TTC13: variants seen among roughly 807,000 people sequenced by gnomAD.
The protein encoded by TTC13 is tetratricopeptide repeat domain 13.
A neutral mutation model predicts 120.0 loss-of-function variants in TTC13; 62 were observed. The ratio of observed to expected loss-of-function variants is 0.52; its 90% CI spans 0.42 to 0.64. TTC13 has a LOEUF of 0.64. Ranked by LOEUF, TTC13 falls within the 30% of genes least tolerant of loss-of-function variation. The probability of loss-of-function intolerance (pLI) is 0.00; values close to 1 mark genes in which losing one functional copy is unlikely to be tolerated. For synonymous variants in TTC13, 384 were observed against 393.5 expected, an observed-to-expected ratio of 0.98 and a Z score of 0.28; for missense variants, 824 against 1,050.2, an observed-to-expected ratio of 0.78 and a Z score of 2.98.
chr1:230,939,518 GA>G (rs1248751509), intron 7 of TTC13, 22 bp from the exon 8 acceptor site: 4 of 1,500,210 alleles, frequency 2.7e-6, no homozygotes, highest in South Asian at 1.2e-5. Context: ...AGAGTGGGGG[GA>G]AAAATAAAAT....
intron 9 of TTC13, among the ~76,000 whole-genome samples, chr1:230,933,149 T>A (rs1024792110): frequency 6.6e-6 from 1 of 152,106 alleles, no homozygotes; most frequent in Non-Finnish European, 1.5e-5. Context: ...ACTTTTGTAT[T>A]TTTAGTAGAC....
At position 230,940,507 on chromosome 1, in the gene TTC13, T is replaced by G. The variant is rs1674436994; in HGVS notation, c.722A>C (p.Lys241Thr). ...RINEAVNDLT[K>T]AIQLQPSARL... is the part of the protein sequence containing the mutation. ...TGCTGAGGGCTGCAGTTGGATAGCT[T>G]TAGTGAGGTCATTCACTGCTTCATT... is the stretch of plus-strand genomic sequence containing the variant. Residue 241 changes from lysine (K) to threonine (T), a missense_variant, in exon 7 of 23, where the codon AAA becomes ACA. Transcript: ENST00000366661. The surrounding 1 kb of genome is among the most constrained non-coding windows in gnomAD (Gnocchi z 4.1). 5.0e-6 allele frequency: 8 copies of G among 1,613,874 alleles called. No homozygotes were observed. Among genetic ancestry groups the G allele is most frequent in the Non-Finnish European group, 6.8e-6 (8 of 1,179,924 alleles).
chr1:230,932,818 CT>C (rs1269329332), intron 9 of TTC13, among the ~76,000 whole-genome samples: 1 of 152,166 alleles, frequency 6.6e-6, no homozygotes, highest in Non-Finnish European at 1.5e-5. Context: ...CTTTCCGTCG[CT>C]GTCTTTCTTT....
At chr1:230,949,937 C>A (rs1220784492) in intron 4 of TTC13, among the ~76,000 whole-genome samples, 1 of 152,226 alleles carries the variant, frequency 6.6e-6, no homozygotes, top group Non-Finnish European at 1.5e-5. Flanking sequence ...GCCTGAGCCA[C>A]CACGCCCGGC....
At chr1:230,965,033 A>T (rs1046201625) in intron 1 of TTC13, among the ~76,000 whole-genome samples, 1 of 152,206 alleles carries the variant, frequency 6.6e-6, no homozygotes. Flanking sequence ...ACTACAAGAA[A>T]ACGTTGGGGA....
intron 1 of TTC13, among the ~76,000 whole-genome samples, chr1:230,970,827 C>T (rs7514638): frequency 6.6e-4 from 100 of 152,308 alleles, no homozygotes; most frequent in African/African-American, 2.2e-3. Flanking sequence ...ACAGACAGCA[C>T]ACTGAGCTAC....
At chr1:230,968,639 T>C (rs899380871) in intron 1 of TTC13, among the ~76,000 whole-genome samples, 6 of 151,784 alleles carry the variant, frequency 4.0e-5, no homozygotes, top group Non-Finnish European at 8.8e-5. Flanking sequence ...AGCCATCGGG[T>C]TGAAATAGAG....
In TTC13 at chr1:230,912,515, C is replaced by T; in HGVS notation, c.2229+108G>A. On this transcript the variant is annotated intron_variant, in intron 19 of 22. Coordinates refer to ENST00000366661, the MANE Select transcript of TTC13 (RefSeq NM_024525.5). ...AAGAAATATTTTTAGGTCAATTCAACCCAATTTCAAGCATAAGATGTACAA... is the reference window on the plus strand; with the variant it reads ...AAGAAATATTTTTAGGTCAATTCAATCCAATTTCAAGCATAAGATGTACAA... 3.8e-6 allele frequency: 5 copies of T among 1,309,966 alleles called. No individual in the cohort carries two copies. The South Asian group carries it at 5.3e-5, about 14-fold the overall frequency. 81.1% of individuals were successfully genotyped at this position (1,309,966 alleles called of 1,614,324 possible).
chr1:230,966,824 T>G (rs1271241196), intron 1 of TTC13, among the ~76,000 whole-genome samples: 1 of 152,168 alleles, frequency 6.6e-6, no homozygotes, highest in Non-Finnish European at 1.5e-5. Flanking sequence ...CCGAGGAACC[T>G]GCAGTAATCA....
intron 8 of TTC13, among the ~76,000 whole-genome samples, chr1:230,938,563 G>A (rs1450501587): frequency 6.6e-6 from 1 of 152,174 alleles, no homozygotes; most frequent in Non-Finnish European, 1.5e-5. Flanking sequence ...CAGTCAGGCA[G>A]TTCTCAAGCA....
At chr1:230,936,984 T>TA in intron 8 of TTC13, among the ~76,000 whole-genome samples, 1 of 152,178 alleles carries the variant, frequency 6.6e-6, no homozygotes, top group Non-Finnish European at 1.5e-5. Context: ...AGACAGTGGA[T>TA]CTATAAAAAT....
chr1:230,951,566 C>T (rs949980280), intron 4 of TTC13, among the ~76,000 whole-genome samples: 2 of 152,114 alleles, frequency 1.3e-5, no homozygotes, highest in African/African-American at 2.4e-5. Flanking sequence ...AAATGGTTCT[C>T]AAGTGATATT....
At position 230,944,666 on chromosome 1, in the gene TTC13, AAAT is replaced by A. The variant is rs1267257304; in HGVS notation, c.579+720_579+722del. On this transcript the variant is annotated intron_variant, in intron 5 of 22. Coordinates refer to ENST00000366661, the MANE Select transcript of TTC13 (RefSeq NM_024525.5). The surrounding 1 kb of genome is among the most constrained non-coding windows in gnomAD (Gnocchi z 4.0). ...TTGTAATATTTTATAAATTGTAATA[AAAT>A]AAAAATGTTAAACATTTTTAATATT... is the stretch of plus-strand genomic sequence containing the variant. Among the ~76,000 whole-genome samples, 1 of 152,120 alleles carries A rather than the reference AAAT, an allele frequency of 6.6e-6. No homozygotes were observed. Among genetic ancestry groups the A allele is most frequent in the East Asian group, 1.9e-4 (1 of 5,202 alleles).
At chr1:230,917,000 T>A (rs879797340) in intron 17 of TTC13, among the ~76,000 whole-genome samples, 2 of 151,708 alleles carry the variant, frequency 1.3e-5, no homozygotes, top group Admixed American at 6.6e-5. Context: ...TTTTTTTTTT[T>A]AATTGATGGA....
chr1:230,938,833 A>AG (rs1326316865), intron 8 of TTC13, among the ~76,000 whole-genome samples: 23 of 152,348 alleles, frequency 1.5e-4, no homozygotes, highest in South Asian at 1.2e-3. Flanking sequence ...CAAAATGCTT[A>AG]GCACAGTACT....
chr1:230,942,358 C>A lies in TTC13; in HGVS notation c.672+1448G>T, dbSNP rs1011271248. Among the ~76,000 whole-genome samples the A allele has an allele frequency of 6.6e-6, 1 of 152,090 alleles. No homozygotes were observed. The highest frequency in any genetic ancestry group is 2.4e-5 in the African/African-American group (1 of 41,412). On this transcript the variant is annotated intron_variant, in intron 6 of 22. Coordinates refer to ENST00000366661, the MANE Select transcript of TTC13 (RefSeq NM_024525.5). This position sits in a 1 kb window ranked among gnomAD's most constrained non-coding sequence, Gnocchi z 4.0. ...GCAGTGATAAACTATAGTCACTTAA[C>A]CCTTAGGGTTACAATTCAAAATAGA... is the stretch of plus-strand genomic sequence containing the variant.
intron 10 of TTC13, 35 bp downstream of exon 10, chr1:230,931,701 T>C (rs1673575355): frequency 1.2e-6 from 2 of 1,608,890 alleles, no homozygotes; most frequent in Non-Finnish European, 1.7e-6. Context: ...AATCCAGTAA[T>C]TCCAATTACA....
In TTC13 at chr1:230,908,936, A is replaced by T; in HGVS notation, c.2388+6T>A. The T allele has an allele frequency of 6.2e-7, 1 of 1,614,094 alleles. No homozygotes were observed. Among genetic ancestry groups the T allele is most frequent in the African/African-American group, 1.3e-5 (1 of 75,048 alleles). ...CAAGCATTTCTCCCTTCCCGCTCCA[A>T]CATACCTTCCCTTTGGGAATTTTTC... is the stretch of plus-strand genomic sequence containing the variant. On this transcript the variant is annotated splice_donor_region_variant and intron_variant, in intron 21 of 22. Transcript: ENST00000366661.
At chr1:230,976,245 T>C (rs1197337005) in intron 1 of TTC13, among the ~76,000 whole-genome samples, 1 of 152,174 alleles carries the variant, frequency 6.6e-6, no homozygotes, top group Admixed American at 6.5e-5. Context: ...TCCTGACATT[T>C]GTCTAGACCC....
Sources: allele counts gnomAD v4.1 joint callset (sites outside exome capture counted in the v4.1 genomes callset), GRCh38; gene constraint gnomAD v4.1.1; non-coding constraint Gnocchi (gnomAD v3.1); transcripts MANE v1.5; gene names NCBI Gene and HGNC (gene_info 2026-07-23, HGNC 2026-07-21).